The following RPS6KC1 variants were observed in gnomAD, a reference collection of about 807,000 sequenced individuals.
RPS6KC1 encodes inactive ribosomal protein S6 kinase delta-1.
In RPS6KC1, 54 loss-of-function variants were observed where a neutral mutation model predicts 103.8. That is an observed-to-expected ratio of 0.52 (90% confidence interval 0.42 to 0.65). The LOEUF (loss-of-function observed/expected upper bound fraction) is 0.65. Ranked by LOEUF, RPS6KC1 falls within the 30% of genes least tolerant of loss-of-function variation. The pLI is 0.00. For synonymous variants in RPS6KC1, 439 were observed against 438.7 expected (o/e 1.00, Z -0.01); for missense variants, 1,151 against 1,253.8 (o/e 0.92, Z 1.24).
At chr1:213,560,402 CT>C in the RPS6KC1 span, among the ~76,000 whole-genome samples, 1 of 152,140 alleles carries the variant, frequency 6.6e-6, no homozygotes, top group Non-Finnish European at 1.5e-5. Context: ...GACATGGCTT[CT>C]TTGACATGGA....
At chr1:213,805,016 T>G in the RPS6KC1 span, among the ~76,000 whole-genome samples, 13,282 of 152,320 alleles carry the variant, frequency 0.087, 966 homozygotes, top group East Asian at 0.21. Flanking sequence ...TACATCATAC[T>G]GTAGTCTACG....
intron 8 of RPS6KC1, among the ~76,000 whole-genome samples, chr1:213,184,639 C>G (rs965832995): frequency 6.6e-6 from 1 of 152,024 alleles, no homozygotes; most frequent in East Asian, 1.9e-4. Flanking sequence ...TTGCTATAAA[C>G]TTTTCTCTTA....
intron 4 of RPS6KC1, among the ~76,000 whole-genome samples, chr1:213,112,549 T>A (rs1159632740): frequency 6.6e-6 from 1 of 151,468 alleles, no homozygotes; most frequent in African/African-American, 2.4e-5. Flanking sequence ...CAAACTTTTT[T>A]TTTATTTTTA....
At chr1:213,807,082 T>C in the RPS6KC1 span, among the ~76,000 whole-genome samples, 1 of 152,250 alleles carries the variant, frequency 6.6e-6, no homozygotes, top group Non-Finnish European at 1.5e-5. Context: ...GAAAATTCTT[T>C]TCTTTAAGAA....
chr1:213,757,661 G>A, the RPS6KC1 span, among the ~76,000 whole-genome samples: 6 of 152,226 alleles, frequency 3.9e-5, no homozygotes, highest in African/African-American at 1.4e-4. Flanking sequence ...TAGGATAAAT[G>A]ATGAAGGGGG....
intron 5 of RPS6KC1, among the ~76,000 whole-genome samples, chr1:213,119,273 C>G (rs568849540): frequency 1.3e-5 from 2 of 151,144 alleles, no homozygotes; most frequent in Non-Finnish European, 2.9e-5. Context: ...ATGGTGAAAC[C>G]CTGTCTCTAC....
the RPS6KC1 span, among the ~76,000 whole-genome samples, chr1:213,769,575 A>G: frequency 6.6e-6 from 1 of 151,996 alleles, no homozygotes; most frequent in Non-Finnish European, 1.5e-5. Context: ...GCAGAATCTA[A>G]TGGTCCTGCC....
chr1:213,636,193 C>G, the RPS6KC1 span, among the ~76,000 whole-genome samples: 1 of 152,096 alleles, frequency 6.6e-6, no homozygotes, highest in Non-Finnish European at 1.5e-5. Flanking sequence ...GCCATACTGC[C>G]CAAGGTAATT....
At chr1:213,581,961 G>A in the RPS6KC1 span, among the ~76,000 whole-genome samples, 45 of 151,944 alleles carry the variant, frequency 3.0e-4, no homozygotes, top group African/African-American at 8.9e-4. Context: ...AAGCTGATCC[G>A]TCAGACTTCC....
the RPS6KC1 span, among the ~76,000 whole-genome samples, chr1:213,702,356 A>C: frequency 6.6e-6 from 1 of 151,990 alleles, no homozygotes; most frequent in East Asian, 1.9e-4. Flanking sequence ...CCTTGAGAAT[A>C]ATCTATGTGC....
the RPS6KC1 span, among the ~76,000 whole-genome samples, chr1:213,288,965 C>T: frequency 6.6e-6 from 1 of 152,034 alleles, no homozygotes; most frequent in Admixed American, 6.6e-5. Context: ...TTTTTTAAAT[C>T]TGACACAGAA....
the RPS6KC1 span, among the ~76,000 whole-genome samples, chr1:213,487,647 G>T: frequency 1.3e-5 from 2 of 152,090 alleles, no homozygotes; most frequent in Non-Finnish European, 2.9e-5. Flanking sequence ...CTGGAATCAG[G>T]CTGCGTGGGT....
At chr1:213,579,694 G>A in the RPS6KC1 span, among the ~76,000 whole-genome samples, 3 of 152,018 alleles carry the variant, frequency 2.0e-5, no homozygotes, top group African/African-American at 2.4e-5. Flanking sequence ...GTGACTTAGA[G>A]TTGGAACTGA....
the RPS6KC1 span, among the ~76,000 whole-genome samples, chr1:213,722,130 C>A: frequency 6.6e-6 from 1 of 152,114 alleles, no homozygotes; most frequent in African/African-American, 2.4e-5. Flanking sequence ...CAGAAAAAGG[C>A]AGCTCCATAG....
chr1:213,849,991 T>C, the RPS6KC1 span, among the ~76,000 whole-genome samples: 1 of 152,188 alleles, frequency 6.6e-6, no homozygotes, highest in African/African-American at 2.4e-5. Flanking sequence ...GTTCAAATAA[T>C]TTTTCAGTTT....
intron 1 of RPS6KC1, among the ~76,000 whole-genome samples, chr1:213,056,952 A>C: frequency 6.8e-6 from 1 of 147,030 alleles, no homozygotes; most frequent in Non-Finnish European, 1.5e-5. Context: ...GGCAGACTCT[A>C]TTCTTTTTTG....
At chr1:213,329,832 C>G in the RPS6KC1 span, among the ~76,000 whole-genome samples, 1 of 152,106 alleles carries the variant, frequency 6.6e-6, no homozygotes, top group African/African-American at 2.4e-5. Context: ...ACCGTTGGAC[C>G]CCCCCAACCC....
At chr1:213,642,801 T>C in the RPS6KC1 span, among the ~76,000 whole-genome samples, 1 of 152,006 alleles carries the variant, frequency 6.6e-6, no homozygotes, top group South Asian at 2.1e-4. Flanking sequence ...CATCTATTAT[T>C]TGTAATACTC....
At chr1:213,640,254 C>A in the RPS6KC1 span, among the ~76,000 whole-genome samples, 2 of 151,870 alleles carry the variant, frequency 1.3e-5, no homozygotes, top group African/African-American at 4.8e-5. Context: ...TCCCCTATTT[C>A]ATTCCTGATA....
Sources: gnomAD v4.1 joint callset for allele counts (sites outside exome capture counted in the v4.1 genomes callset) on GRCh38, gnomAD v4.1.1 for gene constraint, MANE v1.5 for transcripts, NCBI Gene and HGNC (gene_info 2026-07-23, HGNC 2026-07-21) for gene names.